Variants in IGDCC3 observed in about 807,000 individuals in gnomAD.
The protein encoded by IGDCC3 is putative neuronal cell adhesion molecule.
In IGDCC3, 47 loss-of-function variants were observed where a neutral mutation model predicts 72.0. The observed-to-expected ratio is 0.65, with a 90% CI of 0.52 to 0.83. IGDCC3 has a LOEUF of 0.83. IGDCC3 is among the 40% of genes least tolerant of loss of function. IGDCC3 has a pLI of 0.00. For synonymous variants in IGDCC3, 477 were observed against 472.8 expected, an observed-to-expected ratio of 1.01 and a Z score of -0.11; for missense variants, 1,038 against 1,091.3, an observed-to-expected ratio of 0.95 and a Z score of 0.69.
Position 65,375,254 on chromosome 15 carries a change from C to A in IGDCC3, c.252G>T (p.Glu84Asp), listed in dbSNP as rs113171100. The change falls in exon 2 of 14, where the codon GAG (glutamate) becomes GAT (aspartate). Residue 84 changes from glutamate (E) to aspartate (D), a missense_variant. Physicochemically the swap from Glu to Asp is conservative, Grantham distance 45. Transcript: ENST00000327987. ...TWRKNGVELP[E>D]STHSTLLANG... Reference sequence around the variant, plus strand: ...TGGCCAGCAAGGTGGAGTGGGTACTCTCTGGCAGCTCTACCCCATTCTTCC... The same window carrying A: ...TGGCCAGCAAGGTGGAGTGGGTACTATCTGGCAGCTCTACCCCATTCTTCC... 544 of 1,614,204 alleles carry A rather than the reference C, an allele frequency of 3.4e-4. 1 individual carries two copies. The Middle Eastern group carries it at 5.3e-3, about 16-fold the overall frequency.
intron 2 of IGDCC3, among the ~76,000 whole-genome samples, chr15:65,349,540 G>A (rs2091155461): frequency 6.6e-6 from 1 of 152,206 alleles, no homozygotes; most frequent in Admixed American, 6.5e-5. Context: ...GTTTTTCTGT[G>A]TCGAGGGGGT....
chr15:65,365,938 T>C (rs2091286281), intron 2 of IGDCC3, among the ~76,000 whole-genome samples: 6 of 152,194 alleles, frequency 3.9e-5, no homozygotes, highest in Admixed American at 3.9e-4. Context: ...CCGGGTGCAG[T>C]GGCTCATGCC....
At position 65,377,811 on chromosome 15, in the gene IGDCC3, C is replaced by T. The variant is rs1295685125; in HGVS notation, c.-23G>A. On this transcript the variant is annotated 5_prime_UTR_variant, in exon 1 of 14. Transcript: ENST00000327987. This position sits in a 1 kb window ranked among gnomAD's most constrained non-coding sequence, Gnocchi z 4.9. ...CATGGGGCTCTCGGTCAGCTCGGCT[C>T]GGCGACGCGCGGCTCCCGGGCCTCT... is the stretch of plus-strand genomic sequence containing the variant. The T allele has an allele frequency of 2.5e-6, 3 of 1,183,796 alleles. No individual in the cohort carries two copies. 73.3% of individuals were successfully genotyped at this position (1,183,796 alleles called of 1,614,324 possible).
At position 65,339,623 on chromosome 15, in the gene IGDCC3, G is replaced by A. The variant is rs1359847204; in HGVS notation, c.410-3667C>T. Among the ~76,000 whole-genome samples the A allele has an allele frequency of 6.6e-6, 1 of 152,246 alleles. No individual in the cohort carries two copies. The highest frequency in any genetic ancestry group is 1.5e-5 in the Non-Finnish European group (1 of 68,034). ...AGGGAGAGGGTCCCTGAGCAAACAT[G>A]AGGAAGTGGGGCTGAGGGCCGGACT... On this transcript the variant is annotated intron_variant, in intron 2 of 13. Transcript: ENST00000327987. The surrounding 1 kb of genome is among the most constrained non-coding windows in gnomAD (Gnocchi z 4.1).
intron 2 of IGDCC3, chr15:65,355,710 G>T: frequency 2.2e-6 from 1 of 448,448 alleles, no homozygotes; most frequent in South Asian, 1.6e-5. Context: ...AATGGCGCTG[G>T]CTAATTACCT....
At position 65,328,703 on chromosome 15, in the gene IGDCC3, AG is replaced by A; in HGVS notation, c.*205del. Reference sequence around the variant, plus strand: ...GCCCAGGGAAGGAACAGGCTCCTGCAGGAACTGCTCCAACTCCTGATGGGTG... The same window carrying A: ...GCCCAGGGAAGGAACAGGCTCCTGCAGAACTGCTCCAACTCCTGATGGGTG... On this transcript the variant is annotated 3_prime_UTR_variant, in exon 14 of 14. Coordinates refer to ENST00000327987, the MANE Select transcript of IGDCC3 (RefSeq NM_004884.4). 1 of 462,552 alleles carries A rather than the reference AG, an allele frequency of 2.2e-6. No homozygotes were observed. The highest frequency in any genetic ancestry group is 8.7e-5 in the South Asian group (1 of 11,530). 28.7% of individuals were successfully genotyped at this position (462,552 alleles called of 1,614,324 possible).
intron 2 of IGDCC3, among the ~76,000 whole-genome samples, chr15:65,336,749 T>C (rs1440882731): frequency 6.6e-6 from 1 of 152,232 alleles, no homozygotes; most frequent in Non-Finnish European, 1.5e-5. Flanking sequence ...AGAGGGGCTG[T>C]GGTGCACCCT....
chr15:65,369,371 G>A (rs1019607270), intron 2 of IGDCC3, among the ~76,000 whole-genome samples: 1 of 152,200 alleles, frequency 6.6e-6, no homozygotes, highest in Non-Finnish European at 1.5e-5. Context: ...CAGGATCCCT[G>A]GTGTCCAGAC....
Position 65,377,615 on chromosome 15 carries a change from C to A in IGDCC3, c.103+71G>T. ...GCTCTCCCCGGGTCCGCCCCTCGCG[C>A]CCGCTCCCTCCCTGCTCGCCCTTCC... On this transcript the variant is annotated intron_variant, in intron 1 of 13. Coordinates refer to ENST00000327987, the MANE Select transcript of IGDCC3 (RefSeq NM_004884.4). This position sits in a 1 kb window ranked among gnomAD's most constrained non-coding sequence, Gnocchi z 4.9. 7.6e-7 allele frequency: 1 copy of A among 1,323,316 alleles called. No homozygotes were observed. The highest frequency in any genetic ancestry group is 2.0e-5 in the South Asian group (1 of 49,448). The allele number at this position is 1,323,316 out of a possible 1,614,324, so 82.0% of individuals were successfully genotyped here.
chr15:65,344,971 C>A (rs1441780381), intron 2 of IGDCC3, among the ~76,000 whole-genome samples: 1 of 152,176 alleles, frequency 6.6e-6, no homozygotes, highest in Non-Finnish European at 1.5e-5. Context: ...GACCACCCCA[C>A]CAACCCCACA....
At chr15:65,333,603 C>T (rs138242111) in intron 5 of IGDCC3, among the ~76,000 whole-genome samples, 188 bp from the exon 6 acceptor site, 53 of 152,314 alleles carry the variant, frequency 3.5e-4, no homozygotes, top group African/African-American at 1.2e-3. Flanking sequence ...AGAACCCTCG[C>T]GCCTAGCAGC....
Position 65,330,610 on chromosome 15 carries a change from A to G in IGDCC3, c.1693T>C (p.Ser565Pro). Residue 565 changes from serine to proline, a missense_variant, in exon 10 of 14, where the codon TCC becomes CCC. Physicochemically the swap from Ser to Pro is moderately conservative, Grantham distance 74. Transcript: ENST00000327987. ...KLFYRPASKTSFTGPILLPGT... is the reference protein window; with the variant it reads ...KLFYRPASKTPFTGPILLPGT... ...GGCAGCAGGATGGGGCCGGTGAAGG[A>G]GGTCTTGCTTGCTGGGCGGTAAAAC... The G allele has an allele frequency of 6.2e-7, 1 of 1,613,806 alleles. No individual in the cohort carries two copies. Among genetic ancestry groups the G allele is most frequent in the Non-Finnish European group, 8.5e-7 (1 of 1,179,998 alleles).
intron 5 of IGDCC3, among the ~76,000 whole-genome samples, chr15:65,333,812 G>T (rs188095348): frequency 7.3e-5 from 11 of 151,314 alleles, no homozygotes; most frequent in East Asian, 1.9e-4. Context: ...TGACCTGGTT[G>T]GGGGGGGAAC....
In IGDCC3 at chr15:65,377,624, T is replaced by C; in HGVS notation, c.103+62A>G. The C allele has an allele frequency of 7.4e-7, 1 of 1,343,660 alleles. No homozygotes were observed. The highest frequency in any genetic ancestry group is 9.5e-7 in the Non-Finnish European group (1 of 1,048,782). 83.2% of individuals were successfully genotyped at this position (1,343,660 alleles called of 1,614,324 possible). ...GGGTCCGCCCCTCGCGCCCGCTCCC[T>C]CCCTGCTCGCCCTTCCCCTGGCTCC... On this transcript the variant is annotated intron_variant, in intron 1 of 13. Transcript: ENST00000327987. The surrounding 1 kb of genome is among the most constrained non-coding windows in gnomAD (Gnocchi z 4.9).
chr15:65,335,751 T>C, intron 3 of IGDCC3, 61 bp downstream of exon 3: 1 of 1,590,908 alleles, frequency 6.3e-7, no homozygotes, highest in Non-Finnish European at 8.6e-7. Context: ...CATCCTTCTC[T>C]ACGGCCAGAG....
chr15:65,355,878 T>A (rs1395792515), intron 2 of IGDCC3: 2 of 335,778 alleles, frequency 6.0e-6, no homozygotes, highest in South Asian at 3.9e-5. Context: ...GAGCCTCGGA[T>A]TCCCCAGCTG....
intron 2 of IGDCC3, among the ~76,000 whole-genome samples, chr15:65,344,800 T>G (rs1212017729): frequency 1.3e-5 from 2 of 152,156 alleles, no homozygotes; most frequent in East Asian, 3.9e-4. Context: ...CCTCCCTCAG[T>G]GGAGGGTGTG....
At chr15:65,341,510 A>C (rs1036218439) in intron 2 of IGDCC3, among the ~76,000 whole-genome samples, 1 of 152,242 alleles carries the variant, frequency 6.6e-6, no homozygotes, top group African/African-American at 2.4e-5. Flanking sequence ...GATATGCTAT[A>C]TCCATTGAGT....
rs560297902 is a variant in IGDCC3, at chr15:65,375,606, T to C, written c.104-204A>G. Among the ~76,000 whole-genome samples, 18 of 152,354 alleles carry C rather than the reference T, an allele frequency of 1.2e-4. No individual in the cohort carries two copies. In the East Asian group the frequency reaches 2.9e-3, roughly 24 times the overall value. On this transcript the variant is annotated intron_variant, in intron 1 of 13. Coordinates refer to ENST00000327987, the MANE Select transcript of IGDCC3 (RefSeq NM_004884.4). The stretch of plus-strand genomic sequence containing the variant: ...TCCAAGGCGGTACTTTACTTAATCA[T>C]CAGACCATCTCAGAGATAGATATTA...
Sources: allele counts gnomAD v4.1 joint callset (sites outside exome capture counted in the v4.1 genomes callset), GRCh38; gene constraint gnomAD v4.1.1; non-coding constraint Gnocchi (gnomAD v3.1); transcripts MANE v1.5; gene names NCBI Gene and HGNC (gene_info 2026-07-23, HGNC 2026-07-21).